Variants in FGF14 observed in about 807,000 individuals in gnomAD.
FGF14 encodes fibroblast growth factor homologous factor 4.
FGF14 carries 5 observed loss-of-function variants against 25.5 expected under a neutral mutation model. That is an observed-to-expected ratio of 0.20 (90% confidence interval 0.10 to 0.41). The LOEUF (loss-of-function observed/expected upper bound fraction) is 0.41. FGF14 is among the 10% of genes least tolerant of loss of function. FGF14 has a pLI of 1.00. For missense variants in FGF14, 222 were observed against 320.1 expected, an observed-to-expected ratio of 0.69 and a Z score of 2.34; for synonymous variants, 138 against 118.3, an observed-to-expected ratio of 1.17 and a Z score of -1.08.
At chr13:102,320,512 A>T (rs1382394908) in intron 1 of FGF14, among the ~76,000 whole-genome samples, 1 of 152,122 alleles carries the variant, frequency 6.6e-6, no homozygotes, top group Non-Finnish European at 1.5e-5. Context: ...TGACTAAACC[A>T]ATTTCCTCTT....
chr13:102,040,475 G>A (rs1312495353), intron 1 of FGF14, among the ~76,000 whole-genome samples: 1 of 152,080 alleles, frequency 6.6e-6, no homozygotes, highest in Non-Finnish European at 1.5e-5. Context: ...CAGTAACAAA[G>A]AGTCTTATGT....
intron 1 of FGF14, among the ~76,000 whole-genome samples, chr13:101,957,723 T>C (rs150527087): frequency 2.6e-5 from 4 of 152,188 alleles, no homozygotes; most frequent in African/African-American, 9.7e-5. Flanking sequence ...TCATTTCCCA[T>C]AGGCAATCTT....
intron 1 of FGF14, among the ~76,000 whole-genome samples, chr13:102,357,925 C>T (rs1447492851): frequency 1.3e-5 from 2 of 152,092 alleles, no homozygotes; most frequent in East Asian, 1.9e-4. Context: ...AGGAATTATA[C>T]CAGCAGTTAC....
chr13:102,027,170 T>C (rs922402223), intron 1 of FGF14, among the ~76,000 whole-genome samples: 1 of 151,602 alleles, frequency 6.6e-6, no homozygotes, highest in African/African-American at 2.4e-5. Context: ...ATCTCCCTAA[T>C]TAGCAGGGGT....
intron 1 of FGF14, among the ~76,000 whole-genome samples, chr13:101,878,236 C>A (rs1224356107): frequency 6.6e-6 from 1 of 152,156 alleles, no homozygotes; most frequent in Non-Finnish European, 1.5e-5. Context: ...AATATGGCCA[C>A]CTGCATTAAA....
chr13:102,189,326 A>G (rs2049034859), intron 1 of FGF14, among the ~76,000 whole-genome samples: 1 of 152,224 alleles, frequency 6.6e-6, no homozygotes, highest in Non-Finnish European at 1.5e-5. Context: ...GAGCAGTGAT[A>G]AAATCAGAGG....
chr13:102,150,450 G>C (rs1421981750), intron 1 of FGF14, among the ~76,000 whole-genome samples: 3 of 152,108 alleles, frequency 2.0e-5, no homozygotes, highest in African/African-American at 7.2e-5. Context: ...GGCCACTTTT[G>C]CAATGGGTTC....
intron 1 of FGF14, among the ~76,000 whole-genome samples, chr13:102,141,511 G>GTACT (rs1217631915): frequency 7.9e-5 from 12 of 152,168 alleles, no homozygotes; most frequent in African/African-American, 2.9e-4. Flanking sequence ...TGTGGAAAAT[G>GTACT]TACTTACTTT....
intron 3 of FGF14, among the ~76,000 whole-genome samples, chr13:101,863,795 C>T (rs556769723): frequency 1.3e-4 from 20 of 151,974 alleles, no homozygotes; most frequent in Non-Finnish European, 2.6e-4. Context: ...ATTGTTCCAC[C>T]TTGTTTTGCT....
intron 1 of FGF14, chr13:102,300,351 A>G (rs140016862): frequency 6.6e-6 from 1 of 151,248 alleles, no homozygotes; most frequent in African/African-American, 2.5e-5. Context: ...AATGTAATCT[A>G]TGCCTCGAGA....
intron 1 of FGF14, among the ~76,000 whole-genome samples, chr13:102,278,571 T>C (rs2053658549): frequency 6.6e-6 from 1 of 151,972 alleles, no homozygotes; most frequent in Non-Finnish European, 1.5e-5. Context: ...TTTAGATGTG[T>C]GACCCCAAAA....
intron 1 of FGF14, among the ~76,000 whole-genome samples, chr13:102,259,074 C>T (rs552542369): frequency 4.4e-4 from 67 of 152,254 alleles, no homozygotes; most frequent in African/African-American, 1.5e-3. Flanking sequence ...TTGTGATGGG[C>T]GCTACCAAGG....
rs1019008816 is a variant in FGF14, at chr13:101,714,612, C to T, written c.*8219G>A. ...CAGTTTGTTATAGAGCCAAGAGACA[C>T]TCGTCATGCAATGCTTTAGGTGGCT... is the stretch of plus-strand genomic sequence containing the variant. On this transcript the variant is annotated 3_prime_UTR_variant, in exon 5 of 5. Transcript: ENST00000376143. The T allele has an allele frequency of 1.6e-5, 16 of 1,002,490 alleles. No homozygotes were observed. Among genetic ancestry groups the T allele is most frequent in the Non-Finnish European group, 2.1e-5 (13 of 623,930 alleles). The allele number at this position is 1,002,490 out of a possible 1,614,324, so 62.1% of individuals were successfully genotyped here. A position where few individuals can be genotyped will look rare whatever the true frequency, so the allele number is the denominator to read the frequency against.
chr13:101,980,488 A>G (rs910601273), intron 1 of FGF14, among the ~76,000 whole-genome samples: 1 of 152,226 alleles, frequency 6.6e-6, no homozygotes, highest in Admixed American at 6.5e-5. Flanking sequence ...CTAGAGCATT[A>G]TAATAATTTT....
At chr13:102,350,513 G>C (rs1337064364) in intron 1 of FGF14, among the ~76,000 whole-genome samples, 1 of 152,124 alleles carries the variant, frequency 6.6e-6, no homozygotes, top group East Asian at 1.9e-4. Context: ...AACTCTGATG[G>C]GTCTTGTTTT....
At chr13:101,816,010 G>C (rs1190931984) in intron 3 of FGF14, among the ~76,000 whole-genome samples, 2 of 98,242 alleles carry the variant, frequency 2.0e-5, no homozygotes, top group African/African-American at 3.6e-5. Context: ...GGTGGCTCAC[G>C]CCTGTATCCT....
intron 1 of FGF14, among the ~76,000 whole-genome samples, chr13:102,266,375 A>G (rs893819961): frequency 1.3e-5 from 2 of 152,162 alleles, no homozygotes; most frequent in African/African-American, 4.8e-5. Context: ...CGAGGTCACC[A>G]TATCAGTGAT....
At chr13:102,199,449 G>A (rs2049513014) in intron 1 of FGF14, among the ~76,000 whole-genome samples, 2 of 152,200 alleles carry the variant, frequency 1.3e-5, no homozygotes, top group South Asian at 4.1e-4. Flanking sequence ...ACAACCCAAT[G>A]AGCCAGGTAC....
chr13:101,781,615 C>T (rs990313259), intron 3 of FGF14, among the ~76,000 whole-genome samples: 2 of 152,186 alleles, frequency 1.3e-5, no homozygotes, highest in Admixed American at 6.5e-5. Context: ...GAGCTGAAGC[C>T]TCTGATTTTA....
Sources: allele counts gnomAD v4.1 joint callset (sites outside exome capture counted in the v4.1 genomes callset), GRCh38; gene constraint gnomAD v4.1.1; transcripts MANE v1.5; gene names NCBI Gene and HGNC (gene_info 2026-07-23, HGNC 2026-07-21).